The following INPP4B variants were observed in gnomAD, a reference collection of about 807,000 sequenced individuals.
INPP4B encodes inositol polyphosphate 4-phosphatase type II.
A neutral mutation model predicts 122.5 loss-of-function variants in INPP4B; 55 were observed. The observed-to-expected ratio is 0.45, with a 90% CI of 0.36 to 0.56. The LOEUF (loss-of-function observed/expected upper bound fraction) is 0.56, where lower values mean the gene tolerates loss of function less well. Among genes scored for constraint, INPP4B ranks in the 20% least tolerant of loss-of-function variants. INPP4B has a pLI of 0.00. For synonymous variants in INPP4B, 403 were observed against 388.7 expected, an observed-to-expected ratio of 1.04 and a Z score of -0.43; for missense variants, 1,000 against 1,097.7, an observed-to-expected ratio of 0.91 and a Z score of 1.26.
At chr4:142,666,581 G>A (rs1430572229) in intron 2 of INPP4B, among the ~76,000 whole-genome samples, 1 of 151,806 alleles carries the variant, frequency 6.6e-6, no homozygotes, top group Non-Finnish European at 1.5e-5. Context: ...CCAAATATTA[G>A]AATATCTCAA....
At chr4:142,174,121 T>G (rs1579168993) in intron 15 of INPP4B, among the ~76,000 whole-genome samples, 1 of 152,196 alleles carries the variant, frequency 6.6e-6, no homozygotes, top group African/African-American at 2.4e-5. Context: ...TGTCAAGTAT[T>G]AGTATTCAAA....
At chr4:142,698,179 T>C (rs1761262936) in intron 2 of INPP4B, among the ~76,000 whole-genome samples, 1 of 152,074 alleles carries the variant, frequency 6.6e-6, no homozygotes, top group Non-Finnish European at 1.5e-5. Flanking sequence ...CCCTTACCAG[T>C]AAGAGAAAAC....
At chr4:142,220,496 A>T (rs1057286504) in intron 12 of INPP4B, among the ~76,000 whole-genome samples, 1 of 152,226 alleles carries the variant, frequency 6.6e-6, no homozygotes, top group Non-Finnish European at 1.5e-5. Flanking sequence ...CTCATTTGCC[A>T]TTCATAACAA....
In INPP4B at chr4:142,304,253, G is replaced by A. The variant is rs80079303; in HGVS notation, c.503+1205C>T. On this transcript the variant is annotated intron_variant, in intron 9 of 25. Coordinates refer to ENST00000262992, the MANE Select transcript of INPP4B (RefSeq NM_001101669.3). ...TGATAGCCATTCTTTTTAGCTGACC[G>A]TTTACACCTCAAACTGAAAACAGTA... Among the ~76,000 whole-genome samples the A allele has an allele frequency of 4.1e-3, 627 of 152,084 alleles. 5 individuals carry two copies. The highest frequency in any genetic ancestry group is 0.015 in the African/African-American group (603 of 41,520).
chr4:142,619,683 C>A (rs1214664497), intron 2 of INPP4B, among the ~76,000 whole-genome samples: 1 of 151,924 alleles, frequency 6.6e-6, no homozygotes, highest in East Asian at 1.9e-4. Flanking sequence ...TTCTAGAGAT[C>A]TTCTGTATAA....
At chr4:142,209,494 T>A (rs978550354) in intron 12 of INPP4B, among the ~76,000 whole-genome samples, 13 of 151,892 alleles carry the variant, frequency 8.6e-5, no homozygotes, top group South Asian at 2.1e-4. Context: ...AATATTTTTT[T>A]AAAAAAACAA....
At chr4:142,536,250 T>A (rs936282004) in intron 2 of INPP4B, among the ~76,000 whole-genome samples, 1 of 152,090 alleles carries the variant, frequency 6.6e-6, no homozygotes, top group Non-Finnish European at 1.5e-5. Context: ...AGTCTTATAT[T>A]TAATATTTCT....
intron 18 of INPP4B, among the ~76,000 whole-genome samples, chr4:142,137,330 A>G (rs1172517736): frequency 7.1e-6 from 1 of 141,420 alleles, no homozygotes; most frequent in African/African-American, 2.7e-5. Context: ...CTGGCTAGCC[A>G]TATGTAGAAA....
chr4:142,540,761 G>C (rs780000953), intron 2 of INPP4B, among the ~76,000 whole-genome samples: 5 of 152,004 alleles, frequency 3.3e-5, no homozygotes. Context: ...GTGTGTGAGA[G>C]AGAGAGAAGG....
chr4:142,759,142 T>C (rs1156937556), intron 1 of INPP4B, among the ~76,000 whole-genome samples: 1 of 152,138 alleles, frequency 6.6e-6, no homozygotes, highest in Non-Finnish European at 1.5e-5. Flanking sequence ...CAAGAGTTAG[T>C]TTGACTTACT....
At chr4:142,302,201 A>T (rs752658635) in intron 9 of INPP4B, among the ~76,000 whole-genome samples, 14 of 152,000 alleles carry the variant, frequency 9.2e-5, no homozygotes, top group Non-Finnish European at 1.9e-4. Context: ...ACACTTTTCC[A>T]TCATGATTAA....
At chr4:142,498,109 G>GTATATATATATATACA (rs1553944744) in intron 2 of INPP4B, among the ~76,000 whole-genome samples, 1 of 89,926 alleles carries the variant, frequency 1.1e-5, no homozygotes, top group Non-Finnish European at 2.1e-5. Flanking sequence ...GTGTGTGTGT[G>GTATATATATATATACA]TATATATATA....
intron 16 of INPP4B, among the ~76,000 whole-genome samples, chr4:142,171,805 T>C (rs530384170): frequency 1.8e-4 from 28 of 151,962 alleles, no homozygotes; most frequent in African/African-American, 6.7e-4. Flanking sequence ...AATGCTGGAT[T>C]CAAGGAGCAG....
At chr4:142,128,787 C>T (rs2152777546) in intron 18 of INPP4B, among the ~76,000 whole-genome samples, 1 of 152,268 alleles carries the variant, frequency 6.6e-6, no homozygotes, top group East Asian at 1.9e-4. Context: ...GCCCCCCTCA[C>T]CTCCTCCACA....
At chr4:142,208,078 G>A in intron 14 of INPP4B, among the ~76,000 whole-genome samples, 1 of 151,760 alleles carries the variant, frequency 6.6e-6, no homozygotes, top group East Asian at 1.9e-4. Context: ...TCTCAAGACA[G>A]GAAAAATATG....
intron 23 of INPP4B, among the ~76,000 whole-genome samples, chr4:142,096,773 G>A (rs554582303): frequency 5.3e-4 from 81 of 152,160 alleles, no homozygotes; most frequent in African/African-American, 1.9e-3. Flanking sequence ...ATAAAAGTAT[G>A]GTGCTGGAAA....
Position 142,692,914 on chromosome 4 carries a change from T to TATAGATAGATAGATAG in INPP4B, c.-191+32909_-191+32924dup, listed in dbSNP as rs3080817. 5.6e-3 allele frequency among the ~76,000 whole-genome samples: 824 copies of TATAGATAGATAGATAG among 148,348 alleles called. 7 individuals carry two copies. Among genetic ancestry groups the TATAGATAGATAGATAG allele is most frequent in the African/African-American group, 0.017 (674 of 39,680 alleles). ...TAAAACCTATATTTAGGCTAGTCTC[T>TATAGATAGATAGATAG]ATAGATAGATAGATAGATAGATACA... On this transcript the variant is annotated intron_variant, in intron 2 of 25. Transcript: ENST00000262992.
chr4:142,284,906 T>G (rs565310357), intron 9 of INPP4B, among the ~76,000 whole-genome samples: 1 of 152,254 alleles, frequency 6.6e-6, no homozygotes, highest in East Asian at 1.9e-4. Context: ...ATTAATCAGT[T>G]AATCAATTTA....
chr4:142,685,850 G>C (rs904154559), intron 2 of INPP4B, among the ~76,000 whole-genome samples: 11 of 151,992 alleles, frequency 7.2e-5, no homozygotes, highest in Admixed American at 2.6e-4. Context: ...GACTTAAATA[G>C]GTAAGTCTAT....
Sources: gnomAD v4.1 joint callset for allele counts (sites outside exome capture counted in the v4.1 genomes callset) on GRCh38, gnomAD v4.1.1 for gene constraint, MANE v1.5 for transcripts, NCBI Gene and HGNC (gene_info 2026-07-23, HGNC 2026-07-21) for gene names.